The following RGS6 variants were observed in gnomAD, a reference collection of about 807,000 sequenced individuals.
RGS6 encodes the protein regulator of G-protein signaling 6.
In RGS6, 30 loss-of-function variants were observed where a neutral mutation model predicts 78.5. The ratio of observed to expected loss-of-function variants is 0.38; its 90% confidence interval spans 0.29 to 0.52. The LOEUF (loss-of-function observed/expected upper bound fraction) is 0.52, where lower values mean the gene tolerates loss of function less well. Ranked by LOEUF, RGS6 falls within the 20% of genes least tolerant of loss-of-function variation. RGS6 has a pLI of 0.85. For synonymous variants in RGS6, 206 were observed against 206.0 expected, an observed-to-expected ratio of 1.00 and a Z score of 0.00; for missense variants, 495 against 609.7, an observed-to-expected ratio of 0.81 and a Z score of 1.98.
At chr14:72,282,953 G>A (rs2061838202) in intron 2 of RGS6, among the ~76,000 whole-genome samples, 1 of 152,100 alleles carries the variant, frequency 6.6e-6, no homozygotes, top group South Asian at 2.1e-4. Context: ...CCAGCCCCTG[G>A]CAACCACGAT....
At chr14:72,305,757 A>G (rs1014723068) in intron 2 of RGS6, among the ~76,000 whole-genome samples, 3 of 152,170 alleles carry the variant, frequency 2.0e-5, no homozygotes, top group African/African-American at 7.2e-5. Context: ...TAACCCTACA[A>G]TGGCTTCTAA....
chr14:72,510,369 C>T (rs1165581500), intron 14 of RGS6, 90 bp downstream of exon 14: 10 of 1,519,042 alleles, frequency 6.6e-6, no homozygotes, highest in East Asian at 2.3e-5. Flanking sequence ...CTCAATGAAA[C>T]GTTATCAGGG....
intron 3 of RGS6, among the ~76,000 whole-genome samples, chr14:72,359,107 A>G (rs1194411070): frequency 1.3e-5 from 2 of 152,144 alleles, no homozygotes; most frequent in African/African-American, 4.8e-5. Flanking sequence ...CCTTTCTGCC[A>G]TGATTGTAAG....
rs142357167 is a variant in RGS6 at position 72,331,289 on chromosome 14, C to T, written c.85-20806C>T. 3.8e-3 allele frequency among the ~76,000 whole-genome samples: 573 copies of T among 151,114 alleles called. 2 individuals carry two copies. Among genetic ancestry groups the T allele is most frequent in the African/African-American group, 0.013 (541 of 41,168 alleles). ...AAATGAGCTATTTGGTTTTTGAACA[C>T]TTTCCTTACAGTGCGTAGCAGTTTG... On this transcript the variant is annotated intron_variant, in intron 2 of 17. Coordinates refer to ENST00000553525, the MANE Select transcript of RGS6 (RefSeq NM_001204424.2).
At chr14:72,423,170 T>A (rs2094278307) in intron 3 of RGS6, among the ~76,000 whole-genome samples, 1 of 152,126 alleles carries the variant, frequency 6.6e-6, no homozygotes, top group Non-Finnish European at 1.5e-5. Flanking sequence ...GTGAGGAATA[T>A]GAGATGGAAA....
intron 2 of RGS6, among the ~76,000 whole-genome samples, chr14:72,163,623 G>T (rs1279459763): frequency 6.6e-6 from 1 of 152,200 alleles, no homozygotes; most frequent in Non-Finnish European, 1.5e-5. Flanking sequence ...AGTGGCTCAC[G>T]CCTGTAATCC....
chr14:72,156,229 G>C (rs959140679), intron 2 of RGS6, among the ~76,000 whole-genome samples: 5 of 152,088 alleles, frequency 3.3e-5, no homozygotes, highest in Non-Finnish European at 7.4e-5. Flanking sequence ...GGAGGATCAT[G>C]AGGTCAAGAG....
At chr14:72,194,642 G>A (rs755160931) in intron 2 of RGS6, among the ~76,000 whole-genome samples, 18 of 152,150 alleles carry the variant, frequency 1.2e-4, no homozygotes, top group Admixed American at 2.6e-4. Context: ...GATTACAGGC[G>A]TGAGCTACTG....
intron 1 of RGS6, among the ~76,000 whole-genome samples, chr14:71,953,262 A>G (rs1202542979): frequency 6.6e-6 from 1 of 152,158 alleles, no homozygotes; most frequent in Admixed American, 6.5e-5. Context: ...GGACTTGTTC[A>G]AGGGACAGAA....
intron 2 of RGS6, among the ~76,000 whole-genome samples, chr14:72,248,878 A>G (rs549968811): frequency 3.9e-5 from 6 of 152,348 alleles, no homozygotes; most frequent in African/African-American, 1.2e-4. Flanking sequence ...GCCTTTGTGA[A>G]TCTGGCTGGG....
intron 17 of RGS6, among the ~76,000 whole-genome samples, chr14:72,549,103 G>A (rs1442136853): frequency 2.0e-5 from 3 of 152,224 alleles, no homozygotes; most frequent in Non-Finnish European, 2.9e-5. Flanking sequence ...TGAGATTGGA[G>A]GAGAGGGATC....
intron 17 of RGS6, among the ~76,000 whole-genome samples, chr14:72,560,654 C>CAAAG (rs1490925582): frequency 6.6e-6 from 1 of 152,156 alleles, no homozygotes; most frequent in Non-Finnish European, 1.5e-5. Context: ...TAGTGATTTT[C>CAAAG]AAAGACTGAC....
At chr14:71,960,393 A>G (rs926283875) in intron 1 of RGS6, among the ~76,000 whole-genome samples, 1 of 152,216 alleles carries the variant, frequency 6.6e-6, no homozygotes, top group Non-Finnish European at 1.5e-5. Flanking sequence ...TTGTTGATCA[A>G]GAGTCTTCTT....
At chr14:72,330,307 A>G (rs1432419431) in intron 2 of RGS6, among the ~76,000 whole-genome samples, 1 of 152,246 alleles carries the variant, frequency 6.6e-6, no homozygotes, top group Non-Finnish European at 1.5e-5. Flanking sequence ...ACAGGGAGCA[A>G]CACTTCTGCA....
At chr14:72,340,561 C>T (rs2076807780) in intron 2 of RGS6, among the ~76,000 whole-genome samples, 1 of 152,126 alleles carries the variant, frequency 6.6e-6, no homozygotes, top group Non-Finnish European at 1.5e-5. Context: ...GGTGGGCCAT[C>T]TGGGGGCATC....
chr14:72,592,614 GAGA>G, the RGS6 span, among the ~76,000 whole-genome samples: 1 of 152,240 alleles, frequency 6.6e-6, no homozygotes, highest in Non-Finnish European at 1.5e-5. Context: ...AAGATTAAGG[GAGA>G]AGATTTGTGA....
In RGS6 at chr14:71,984,014, C is replaced by G. The variant is rs564727904; in HGVS notation, c.84+19139C>G. Among the ~76,000 whole-genome samples, 63 of 152,320 alleles carry G rather than the reference C, an allele frequency of 4.1e-4. 1 individual carries two copies. Among genetic ancestry groups the G allele is most frequent in the African/African-American group, 1.5e-3 (61 of 41,576 alleles). On this transcript the variant is annotated intron_variant, in intron 2 of 17. Coordinates refer to ENST00000553525, the MANE Select transcript of RGS6 (RefSeq NM_001204424.2). ...ACAGTCTCTGTCCTAGACAACTTTA[C>G]TGTCCAACTGGGGAGACCAAGAGTG...
chr14:72,201,136 A>C (rs571064696), intron 2 of RGS6, among the ~76,000 whole-genome samples: 1 of 152,310 alleles, frequency 6.6e-6, no homozygotes, highest in Non-Finnish European at 1.5e-5. Flanking sequence ...TTGGAAAGCA[A>C]TAGCAGATGG....
At chr14:72,512,470 GC>G (rs1373559731) in intron 14 of RGS6, among the ~76,000 whole-genome samples, 2 of 152,208 alleles carry the variant, frequency 1.3e-5, no homozygotes, top group African/African-American at 4.8e-5. Context: ...CTGCGCCTCT[GC>G]CAGCTCCTTT....
Sources: gnomAD v4.1 joint callset for allele counts (sites outside exome capture counted in the v4.1 genomes callset) on GRCh38, gnomAD v4.1.1 for gene constraint, MANE v1.5 for transcripts, NCBI Gene and HGNC (gene_info 2026-07-23, HGNC 2026-07-21) for gene names.